Variants in NKD1 observed in about 807,000 individuals in gnomAD.
NKD1 encodes the protein NKD inhibitor of Wnt signaling pathway 1, also known as protein naked cuticle homolog 1.
A neutral mutation model predicts 56.0 loss-of-function variants in NKD1; 21 were observed. That is an observed-to-expected ratio of 0.38 (90% CI 0.27 to 0.54). The LOEUF is 0.54. Ranked by LOEUF, NKD1 falls within the 20% of genes least tolerant of loss-of-function variation. NKD1 has a pLI of 0.82. For synonymous variants in NKD1, 263 were observed against 265.7 expected (o/e 0.99, Z 0.10); for missense variants, 578 against 642.7 (o/e 0.90, Z 1.09).
At position 50,621,639 on chromosome 16, in the gene NKD1, C is replaced by T. The variant is rs1365116056; in HGVS notation, c.297C>T (p.Ser99=). The T allele has an allele frequency of 1.1e-5, 17 of 1,613,770 alleles. No individual in the cohort carries two copies. The highest frequency in any genetic ancestry group is 1.3e-5 in the African/African-American group (1 of 74,936). The change falls in exon 5 of 10, where the codon AGC becomes AGT. Residue 99 remains serine, a synonymous_variant. Transcript: ENST00000268459. ...CTGAGAAGACTGACGGGCTGGGCAGCGGAGATGAGAAGAAGATGGAGAGAG... is the reference window on the plus strand; with the variant it reads ...CTGAGAAGACTGACGGGCTGGGCAGTGGAGATGAGAAGAAGATGGAGAGAG... The part of the protein sequence containing the change: ...LPPEKTDGLG[S]GDEKKMERVS...
intron 4 of NKD1, among the ~76,000 whole-genome samples, chr16:50,610,671 C>G (rs999341640): frequency 3.3e-5 from 5 of 152,224 alleles, no homozygotes; most frequent in African/African-American, 1.2e-4. Flanking sequence ...AAAAGGCCAT[C>G]TGAGGCGTGA....
At chr16:50,571,519 G>C in intron 3 of NKD1, 1 of 985,370 alleles carries the variant, frequency 1.0e-6, no homozygotes, top group Non-Finnish European at 1.2e-6. Flanking sequence ...CAACTCTTGA[G>C]ACCCATCTGC....
rs548667779 is a variant in NKD1 at position 50,593,071 on chromosome 16, G to C, written c.193-15223G>C. Among the ~76,000 whole-genome samples, 24 of 152,018 alleles carry C rather than the reference G, an allele frequency of 1.6e-4. No homozygotes were observed. The South Asian group carries it at 3.7e-3, about 24-fold the overall frequency. On this transcript the variant is annotated intron_variant, in intron 3 of 9. Transcript: ENST00000268459. ...TGTGCAAGGACTTGGAACGAGGATGGAACCGAGTGGGGCCGGGAACTGTGC... is the reference window on the plus strand; with the variant it reads ...TGTGCAAGGACTTGGAACGAGGATGCAACCGAGTGGGGCCGGGAACTGTGC...
rs1339485635 is a variant in NKD1 at position 50,633,269 on chromosome 16, G to A, written c.901G>A (p.Glu301Lys). The change falls in exon 10 of 10, where the codon GAA (glutamate) becomes AAA (lysine). Residue 301 changes from glutamate to lysine, a missense_variant. Physicochemically the swap from Glu to Lys is moderately conservative, Grantham distance 56 (BLOSUM62 1). Transcript: ENST00000268459. This position sits in a 1 kb window ranked among gnomAD's most constrained non-coding sequence, Gnocchi z 4.9. ...NPTRSRSHEP[E>K]AIHIPHRKPQ... ...CACTCGATCTCGCTCCCATGAGCCG[G>A]AAGCCATCCACATCCCACACCGAAA... 10 of 1,613,960 alleles carry A rather than the reference G, an allele frequency of 6.2e-6. No homozygotes were observed. The highest frequency in any genetic ancestry group is 7.6e-6 in the Non-Finnish European group (9 of 1,179,988).
chr16:50,612,235 G>A (rs1961862895), intron 4 of NKD1, among the ~76,000 whole-genome samples: 1 of 152,246 alleles, frequency 6.6e-6, no homozygotes, highest in African/African-American at 2.4e-5. Context: ...TACCTGTGTT[G>A]GGGCCTGGGC....
intron 4 of NKD1, among the ~76,000 whole-genome samples, chr16:50,619,801 G>A (rs531429694): frequency 6.6e-6 from 1 of 152,296 alleles, no homozygotes; most frequent in Non-Finnish European, 1.5e-5. Context: ...TCCACCCAGG[G>A]TCACACAGTG....
At chr16:50,629,929 C>T (rs1033406519) in intron 6 of NKD1, among the ~76,000 whole-genome samples, 1 of 152,196 alleles carries the variant, frequency 6.6e-6, no homozygotes, top group African/African-American at 2.4e-5. Flanking sequence ...TGCGACTGAG[C>T]CCCAGTTGTC....
At chr16:50,562,983 A>ACC (rs1483596865) in intron 3 of NKD1, among the ~76,000 whole-genome samples, 22 of 53,514 alleles carry the variant, frequency 4.1e-4, no homozygotes, top group East Asian at 5.3e-4. Context: ...AGGTCCCACC[A>ACC]CCACCCCCCC....
At chr16:50,620,466 C>A (rs756832178) in intron 4 of NKD1, among the ~76,000 whole-genome samples, 1 of 152,214 alleles carries the variant, frequency 6.6e-6, no homozygotes, top group Admixed American at 6.5e-5. Flanking sequence ...GTCTCAGCAC[C>A]TCACATGACC....
chr16:50,608,474 G>T, intron 4 of NKD1, 114 bp downstream of exon 4: 3 of 687,544 alleles, frequency 4.4e-6, no homozygotes, highest in African/African-American at 1.8e-5. Context: ...GCACAACAGG[G>T]ACCTTGTGAC....
chr16:50,595,550 C>T (rs1171443477), intron 3 of NKD1, among the ~76,000 whole-genome samples: 1 of 152,106 alleles, frequency 6.6e-6, no homozygotes, highest in Admixed American at 6.5e-5. Context: ...AGAGCCCTGG[C>T]CTTCCTCTCG....
chr16:50,627,743 G>C (rs1350441804), intron 6 of NKD1, among the ~76,000 whole-genome samples: 1 of 152,182 alleles, frequency 6.6e-6, no homozygotes, highest in East Asian at 1.9e-4. Context: ...CGATTCCTAC[G>C]TGTCTGCCCT....
At chr16:50,593,512 AAAG>A (rs1463658986) in intron 3 of NKD1, among the ~76,000 whole-genome samples, 1 of 152,146 alleles carries the variant, frequency 6.6e-6, no homozygotes, top group East Asian at 1.9e-4. Flanking sequence ...CAACAGAGAG[AAAG>A]AAGATGTCCT....
intron 3 of NKD1, chr16:50,571,555 C>T (rs1040515514): frequency 1.1e-5 from 11 of 984,108 alleles, no homozygotes; most frequent in South Asian, 4.7e-5. Flanking sequence ...GTCCCAGTGA[C>T]GGGCTCTCCA....
chr16:50,630,917 G>A lies in NKD1; in HGVS notation c.695+7G>A. 6.4e-7 allele frequency: 1 copy of A among 1,572,518 alleles called. No homozygotes were observed. Among genetic ancestry groups the A allele is most frequent in the Non-Finnish European group, 8.6e-7 (1 of 1,157,742 alleles). ...AGCAGCGAGCCCCGCTCAGGTATGTGGGCATGGTGCACATGAGCATATGTT... is the reference window on the plus strand; with the variant it reads ...AGCAGCGAGCCCCGCTCAGGTATGTAGGCATGGTGCACATGAGCATATGTT... On this transcript the variant is annotated splice_region_variant and intron_variant, in intron 8 of 9. Coordinates refer to ENST00000268459, the MANE Select transcript of NKD1 (RefSeq NM_033119.5).
intron 5 of NKD1, among the ~76,000 whole-genome samples, chr16:50,624,410 T>A (rs1006274294): frequency 6.6e-6 from 1 of 152,230 alleles, no homozygotes; most frequent in Non-Finnish European, 1.5e-5. Flanking sequence ...TTTCATTGAT[T>A]ATTGATTGAA....
At chr16:50,571,601 A>C in intron 3 of NKD1, 1 of 848,150 alleles carries the variant, frequency 1.2e-6, no homozygotes, top group South Asian at 5.4e-5. Flanking sequence ...CTGGGGGGTC[A>C]TTCCTAACTC....
chr16:50,579,976 C>T (rs565035687), intron 3 of NKD1, among the ~76,000 whole-genome samples: 3 of 152,224 alleles, frequency 2.0e-5, no homozygotes, highest in Admixed American at 2.0e-4. Context: ...TGGGTACCTG[C>T]TGCACACGCA....
intron 8 of NKD1, among the ~76,000 whole-genome samples, chr16:50,631,701 C>A (rs1319256807): frequency 6.6e-6 from 1 of 152,146 alleles, no homozygotes; most frequent in Non-Finnish European, 1.5e-5. Flanking sequence ...GCTAGGGAGC[C>A]CCGAGCCCTG....
Sources: gnomAD v4.1 joint callset for allele counts (sites outside exome capture counted in the v4.1 genomes callset) on GRCh38, gnomAD v4.1.1 for gene constraint, Gnocchi (gnomAD v3.1) non-coding constraint, MANE v1.5 for transcripts, NCBI Gene and HGNC (gene_info 2026-07-23, HGNC 2026-07-21) for gene names.